ITGA6: variants seen among roughly 807,000 people sequenced by gnomAD.
ITGA6 encodes integrin alpha-6.
Under a neutral mutation model 133.6 loss-of-function variants are expected in ITGA6, and 63 were observed. The ratio of observed to expected loss-of-function variants is 0.47; its 90% confidence interval spans 0.38 to 0.58. The LOEUF is 0.58. Among genes scored for constraint, ITGA6 ranks in the 20% least tolerant of loss-of-function variants. The probability of loss-of-function intolerance (pLI) is 0.00; values close to 1 mark genes in which losing one functional copy is unlikely to be tolerated. For missense variants in ITGA6, 1,068 were observed against 1,309.4 expected (o/e 0.82, Z 2.85); for synonymous variants, 434 against 482.0 (o/e 0.90, Z 1.30).
chr2:172,440,560 G>T (rs1684498276), intron 1 of ITGA6, among the ~76,000 whole-genome samples: 1 of 152,168 alleles, frequency 6.6e-6, no homozygotes, highest in Admixed American at 6.5e-5. Context: ...ATATATGATT[G>T]TGCTGTATCA....
chr2:172,448,401 C>A (rs1444697509), intron 1 of ITGA6, among the ~76,000 whole-genome samples: 1 of 152,098 alleles, frequency 6.6e-6, no homozygotes, highest in Non-Finnish European at 1.5e-5. Flanking sequence ...TTGTCACTTA[C>A]CAGCTGTGTG....
At chr2:172,457,977 G>T (rs34679972) in intron 1 of ITGA6, among the ~76,000 whole-genome samples, 34,365 of 151,776 alleles carry the variant, frequency 0.23, 4,135 homozygotes, top group East Asian at 0.3. Flanking sequence ...GCCCCTCCCC[G>T]CCCCCCAACC....
chr2:172,468,699 A>G (rs1445245614), intron 3 of ITGA6, among the ~76,000 whole-genome samples: 1 of 152,212 alleles, frequency 6.6e-6, no homozygotes, highest in East Asian at 1.9e-4. Flanking sequence ...TCCCTATGAA[A>G]ACAGGTCCAT....
chr2:172,446,686 C>T (rs1187696424), intron 1 of ITGA6, among the ~76,000 whole-genome samples: 3 of 152,136 alleles, frequency 2.0e-5, no homozygotes, highest in African/African-American at 7.2e-5. Flanking sequence ...TCTGGTAATT[C>T]AGAAGCACAG....
chr2:172,484,300 C>T (rs1344412508), intron 11 of ITGA6, among the ~76,000 whole-genome samples: 1 of 152,156 alleles, frequency 6.6e-6, no homozygotes, highest in African/African-American at 2.4e-5. Flanking sequence ...GTGACTGGGC[C>T]TGAGGTTCTG....
chr2:172,441,558 TTAAAAAAAA>T (rs1408673307), intron 1 of ITGA6, among the ~76,000 whole-genome samples: 1,128 of 64,826 alleles, frequency 0.017, 59 homozygotes, highest in African/African-American at 0.065. Context: ...CGCTGTCTCT[TTAAAAAAAA>T]AAAAAAAAAA....
chr2:172,487,407 C>T lies in ITGA6; in HGVS notation c.2114C>T (p.Pro705Leu), dbSNP rs774792278. ...GAGGCTAAACTGATTGCAACGTTTCCAGACACTTTAACCTATTCTGCATAT... is the reference window on the plus strand; with the variant it reads ...GAGGCTAAACTGATTGCAACGTTTCTAGACACTTTAACCTATTCTGCATAT... ...AHEAKLIATFPDTLTYSAYRE... is the reference protein window; with the variant it reads ...AHEAKLIATFLDTLTYSAYRE... Residue 705 changes from proline (P) to leucine (L), a missense_variant, in exon 15 of 26, where the codon CCA becomes CTA. This residue lies in a region of ITGA6 where 609 missense variants were observed against 707.2 expected (regional missense o/e 0.86). Transcript: ENST00000684293. 6.2e-7 allele frequency: 1 copy of T among 1,614,154 alleles called. No individual in the cohort carries two copies. Among genetic ancestry groups the T allele is most frequent in the Non-Finnish European group, 8.5e-7 (1 of 1,180,004 alleles).
intron 1 of ITGA6, among the ~76,000 whole-genome samples, chr2:172,433,280 T>C (rs2077921): frequency 0.28 from 42,303 of 152,032 alleles, 6,483 homozygotes; most frequent in East Asian, 0.6. Context: ...AAAGTGTGAT[T>C]CTCAGCCCAG....
intron 1 of ITGA6, among the ~76,000 whole-genome samples, chr2:172,458,880 G>A (rs1574349778): frequency 6.6e-6 from 1 of 152,180 alleles, no homozygotes; most frequent in Non-Finnish European, 1.5e-5. Context: ...GATCTGTTAT[G>A]TAAAAGGCAC....
At position 172,491,435 on chromosome 2, in the gene ITGA6, A is replaced by C. The variant is rs868362021; in HGVS notation, c.2900A>C (p.Lys967Thr). 1.2e-6 allele frequency: 2 copies of C among 1,613,502 alleles called. No individual in the cohort carries two copies. The highest frequency in any genetic ancestry group is 3.3e-4 in the Middle Eastern group (2 of 6,062). The change falls in exon 23 of 26, where the codon AAA becomes ACA. Residue 967 changes from lysine (K) to threonine (T), a missense_variant. Physicochemically the swap from Lys to Thr is moderately conservative, Grantham distance 78. Transcript: ENST00000684293. The surrounding 1 kb of genome is among the most constrained non-coding windows in gnomAD (Gnocchi z 4.4). ...ACTGTCTCCAAACAGGAATATTCCAAACTGAACTACTTGGACATTCTCATG... is the reference window on the plus strand; with the variant it reads ...ACTGTCTCCAAACAGGAATATTCCACACTGAACTACTTGGACATTCTCATG... The part of the protein sequence containing the change: ...WNSTFLEEYS[K>T]LNYLDILMRA...
chr2:172,465,300 C>T (rs1685605542), intron 1 of ITGA6: 15 of 584,492 alleles, frequency 2.6e-5, no homozygotes, highest in South Asian at 2.5e-4. Context: ...CTATGAGAGA[C>T]AGGCCTATTT....
intron 1 of ITGA6, chr2:172,428,209 G>A (rs1463821327): frequency 1.2e-5 from 3 of 255,546 alleles, no homozygotes; most frequent in Admixed American, 1.1e-4. Flanking sequence ...CTGGGCCCCG[G>A]GAGAGTTTAC....
intron 23 of ITGA6, among the ~76,000 whole-genome samples, chr2:172,495,124 T>C (rs536356986): frequency 2.0e-5 from 3 of 152,202 alleles, no homozygotes; most frequent in African/African-American, 7.2e-5. Context: ...ATGAGAACAG[T>C]GGGTGGTACA....
Position 172,491,106 on chromosome 2 carries a change from G to A in ITGA6, c.2762G>A (p.Arg921Lys). The A allele has an allele frequency of 6.6e-7, 1 of 1,526,098 alleles. No homozygotes were observed. The highest frequency in any genetic ancestry group is 1.4e-5 in the African/African-American group (1 of 73,318). 94.5% of individuals were successfully genotyped at this position (1,526,098 alleles called of 1,614,324 possible). Residue 921 changes from arginine to lysine, a missense_variant, in exon 21 of 26, where the codon AGA becomes AAA. Physicochemically the swap from Arg to Lys is conservative, Grantham distance 26 (BLOSUM62 2). Coordinates refer to ENST00000684293, the MANE Select transcript of ITGA6 (RefSeq NM_000210.4). This position sits in a 1 kb window ranked among gnomAD's most constrained non-coding sequence, Gnocchi z 4.4. The part of the protein sequence containing the change: ...DNRKFSLFAE[R>K]KYQTLNCSVN... ...AGAAAATTTTCTTTATTTGCTGAAA[G>A]AAAATACCAGACTCTTGTAAGTATT...
At chr2:172,470,589 T>C (rs1186941640) in intron 4 of ITGA6, among the ~76,000 whole-genome samples, 1 of 152,184 alleles carries the variant, frequency 6.6e-6, no homozygotes, top group African/African-American at 2.4e-5. Flanking sequence ...TGTCTCACTT[T>C]TACACTGCAA....
rs535476035 is a variant in ITGA6 at position 172,463,916 on chromosome 2, C to T, written c.183-1623C>T. 5.3e-5 allele frequency among the ~76,000 whole-genome samples: 8 copies of T among 152,338 alleles called. No homozygotes were observed. The South Asian group carries it at 1.5e-3, about 28-fold the overall frequency. On this transcript the variant is annotated intron_variant, in intron 1 of 25. Transcript: ENST00000684293. The stretch of plus-strand genomic sequence containing the variant: ...ATCACTGGAATAGGAGTGGAGCAGA[C>T]CTGTGGGGACCCTTGTGGCCCCGGC...
rs1191158206 is a variant in ITGA6, at chr2:172,427,606, G to A, written c.-183G>A. The A allele has an allele frequency of 4.7e-6, 6 of 1,275,016 alleles. No individual in the cohort carries two copies. Among genetic ancestry groups the A allele is most frequent in the Non-Finnish European group, 5.9e-6 (6 of 1,014,240 alleles). 79.0% of individuals were successfully genotyped at this position (1,275,016 alleles called of 1,614,324 possible). On this transcript the variant is annotated 5_prime_UTR_variant, in exon 1 of 26. Transcript: ENST00000684293. ...AGAACAACGGGCTCATTCAGCGGTC[G>A]CGAGCTGCCCGCGAGGGGGAGCGGC...
intron 20 of ITGA6, among the ~76,000 whole-genome samples, chr2:172,490,402 A>G (rs938129686): frequency 6.6e-6 from 1 of 152,138 alleles, no homozygotes; most frequent in Non-Finnish European, 1.5e-5. Flanking sequence ...TTGCATGTTT[A>G]TTTCTTTTAT....
intron 20 of ITGA6, 147 bp from the exon 21 acceptor site, chr2:172,490,877 C>T: frequency 1.5e-6 from 1 of 658,576 alleles, no homozygotes; most frequent in East Asian, 2.7e-5. Flanking sequence ...TGGTTTTACA[C>T]TTACTTCTGT....
Sources: allele counts gnomAD v4.1 joint callset (sites outside exome capture counted in the v4.1 genomes callset), GRCh38; gene constraint gnomAD v4.1.1; regional missense constraint gnomAD v4.1.1; non-coding constraint Gnocchi (gnomAD v3.1); transcripts MANE v1.5; gene names NCBI Gene and HGNC (gene_info 2026-07-23, HGNC 2026-07-21).